The following OSBPL6 variants were observed in gnomAD, a reference collection of about 807,000 sequenced individuals.
OSBPL6 encodes oxysterol-binding protein-related protein 6.
A neutral mutation model predicts 125.8 loss-of-function variants in OSBPL6; 49 were observed. The ratio of observed to expected loss-of-function variants is 0.39; its 90% confidence interval spans 0.31 to 0.49. OSBPL6 has a LOEUF of 0.49. Among genes scored for constraint, OSBPL6 ranks in the 20% least tolerant of loss-of-function variants. OSBPL6 has a pLI of 0.88. For missense variants in OSBPL6, 986 were observed against 1,135.4 expected, an observed-to-expected ratio of 0.87 and a Z score of 1.89; for synonymous variants, 394 against 391.8, an observed-to-expected ratio of 1.01 and a Z score of -0.07.
chr2:178,265,096 G>A (rs1302315175), intron 1 of OSBPL6, among the ~76,000 whole-genome samples: 1 of 148,064 alleles, frequency 6.8e-6, no homozygotes, highest in African/African-American at 2.5e-5. Context: ...TGTACTGGCG[G>A]GTCTTTAACT....
intron 2 of OSBPL6, among the ~76,000 whole-genome samples, chr2:178,296,021 C>T (rs573613182): frequency 2.0e-5 from 3 of 152,126 alleles, no homozygotes; most frequent in South Asian, 4.2e-4. Flanking sequence ...TGTGAGTTGG[C>T]GGTGATTCTG....
chr2:178,392,568 G>A (rs1478473564), intron 23 of OSBPL6, 30 bp downstream of exon 23: 1 of 1,610,584 alleles, frequency 6.2e-7, no homozygotes, highest in East Asian at 2.2e-5. Flanking sequence ...TTAATATGCA[G>A]ACTATGGCTG....
At chr2:178,334,715 T>C (rs1221992926) in intron 8 of OSBPL6, among the ~76,000 whole-genome samples, 1 of 152,066 alleles carries the variant, frequency 6.6e-6, no homozygotes, top group African/African-American at 2.4e-5. Flanking sequence ...AGAGACAGGG[T>C]TTCGCCATGT....
chr2:178,199,325 C>T (rs1330582575), intron 1 of OSBPL6, among the ~76,000 whole-genome samples: 1 of 152,174 alleles, frequency 6.6e-6, no homozygotes, highest in African/African-American at 2.4e-5. Flanking sequence ...CCGTCCTCTT[C>T]TCTTCCCCCT....
chr2:178,349,186 A>G (rs1691003513), intron 11 of OSBPL6, 38 bp from the exon 12 acceptor site: 1 of 1,595,292 alleles, frequency 6.3e-7, no homozygotes, highest in Non-Finnish European at 8.6e-7. Context: ...GAAACAATGC[A>G]CTGTTGCTGT....
At chr2:178,316,905 AAAAC>A (rs1687783834) in intron 3 of OSBPL6, among the ~76,000 whole-genome samples, 1 of 152,188 alleles carries the variant, frequency 6.6e-6, no homozygotes, top group South Asian at 2.1e-4. Flanking sequence ...TTGAAACCAA[AAAAC>A]AAACAAACAA....
At chr2:178,333,066 A>C in intron 8 of OSBPL6, 25 bp downstream of exon 8, 5 of 1,610,008 alleles carry the variant, frequency 3.1e-6, no homozygotes, top group Non-Finnish European at 4.2e-6. Context: ...TATAAAAACC[A>C]GCCTGAAAAT....
intron 1 of OSBPL6, among the ~76,000 whole-genome samples, chr2:178,229,143 C>G (rs2090704048): frequency 6.6e-6 from 1 of 152,166 alleles, no homozygotes; most frequent in Non-Finnish European, 1.5e-5. Flanking sequence ...ACAACCCACT[C>G]TAGTGTTAAC....
chr2:178,391,970 A>G (rs1023034809), intron 22 of OSBPL6, among the ~76,000 whole-genome samples: 3 of 152,244 alleles, frequency 2.0e-5, no homozygotes, highest in East Asian at 1.9e-4. Flanking sequence ...CAAGACATAC[A>G]AAGATCCTGC....
In OSBPL6 at chr2:178,399,866, T is replaced by C. The variant is rs142069253; in HGVS notation, c.*4307T>C. 4.8e-3 allele frequency: 734 copies of C among 152,350 alleles called. 1 individual carries two copies. Among genetic ancestry groups the C allele is most frequent in the African/African-American group, 0.017 (714 of 41,578 alleles). 9.4% of individuals were successfully genotyped at this position (152,350 alleles called of 1,614,324 possible). ...CCTAGTGAATACTATTAATTTTTCATGGATTACATATTACCATATGACCCC... is the reference window on the plus strand; with the variant it reads ...CCTAGTGAATACTATTAATTTTTCACGGATTACATATTACCATATGACCCC... On this transcript the variant is annotated 3_prime_UTR_variant, in exon 25 of 25. Coordinates refer to ENST00000190611, the MANE Select transcript of OSBPL6 (RefSeq NM_032523.4).
chr2:178,386,965 A>C, intron 19 of OSBPL6, 96 bp from the exon 20 acceptor site: 1 of 665,488 alleles, frequency 1.5e-6, no homozygotes, highest in Non-Finnish European at 2.5e-6. Context: ...TGTCATTCCA[A>C]AGTGTTTCAT....
At chr2:178,354,272 A>G (rs75367367) in intron 12 of OSBPL6, among the ~76,000 whole-genome samples, 8,904 of 152,300 alleles carry the variant, frequency 0.058, 337 homozygotes, top group South Asian at 0.15. Context: ...AAATGCCCCA[A>G]TTAAAAGACA....
chr2:178,195,643 A>G (rs2088841881), intron 1 of OSBPL6, among the ~76,000 whole-genome samples: 2 of 152,268 alleles, frequency 1.3e-5, no homozygotes, highest in African/African-American at 2.4e-5. Flanking sequence ...GAAGCATTAC[A>G]TAATGGACAT....
intron 1 of OSBPL6, among the ~76,000 whole-genome samples, chr2:178,235,531 C>T (rs925728386): frequency 4.0e-5 from 6 of 151,150 alleles, no homozygotes; most frequent in Non-Finnish European, 8.8e-5. Context: ...CTCAGCCTCC[C>T]GAGTAGCTGG....
At chr2:178,331,057 T>C (rs1188556837) in intron 5 of OSBPL6, among the ~76,000 whole-genome samples, 1 of 152,248 alleles carries the variant, frequency 6.6e-6, no homozygotes, top group Non-Finnish European at 1.5e-5. Context: ...ATTTTCCAGA[T>C]AATTCATTAT....
rs537886209 is a variant in OSBPL6 at position 178,306,633 on chromosome 2, A to G, written c.102+347A>G. Reference sequence around the variant, plus strand: ...GGAAAGGGAACTGTGAACCCTGCAAAGGACGTCTTCCTATAAGGCTGTCAC... The same window carrying G: ...GGAAAGGGAACTGTGAACCCTGCAAGGGACGTCTTCCTATAAGGCTGTCAC... On this transcript the variant is annotated intron_variant, in intron 3 of 24. Coordinates refer to ENST00000190611, the MANE Select transcript of OSBPL6 (RefSeq NM_032523.4). Among the ~76,000 whole-genome samples, 5 of 152,290 alleles carry G rather than the reference A, an allele frequency of 3.3e-5. No homozygotes were observed. The East Asian group carries it at 9.7e-4, about 29-fold the overall frequency.
chr2:178,225,086 G>C (rs1350788206), intron 1 of OSBPL6, among the ~76,000 whole-genome samples: 2 of 151,500 alleles, frequency 1.3e-5, no homozygotes, highest in Admixed American at 1.3e-4. Flanking sequence ...ATGCCAGGAC[G>C]GCTATTATGA....
intron 12 of OSBPL6, among the ~76,000 whole-genome samples, chr2:178,361,251 G>A (rs1692327438): frequency 6.6e-6 from 1 of 152,148 alleles, no homozygotes; most frequent in African/African-American, 2.4e-5. Context: ...TTGGGTGCAT[G>A]CTTTTGGAGA....
chr2:178,250,155 C>T (rs193114912), intron 1 of OSBPL6, among the ~76,000 whole-genome samples: 8 of 152,252 alleles, frequency 5.3e-5, no homozygotes, highest in East Asian at 1.9e-4. Flanking sequence ...ATGCTGATGC[C>T]GTTTGGTTTC....
Sources: allele counts gnomAD v4.1 joint callset (sites outside exome capture counted in the v4.1 genomes callset), GRCh38; gene constraint gnomAD v4.1.1; transcripts MANE v1.5; gene names NCBI Gene and HGNC (gene_info 2026-07-23, HGNC 2026-07-21).